The following KLHL1 variants were observed in gnomAD, a reference collection of about 807,000 sequenced individuals.
KLHL1 encodes the protein kelch-like protein 1.
In KLHL1, 47 loss-of-function variants were observed where a neutral mutation model predicts 77.7. The observed-to-expected ratio is 0.60, with a 90% CI of 0.48 to 0.77. The LOEUF (loss-of-function observed/expected upper bound fraction) is 0.77, where lower values mean the gene tolerates loss of function less well. KLHL1 is among the 30% of genes least tolerant of loss of function. The pLI is 0.00. For missense variants in KLHL1, 925 were observed against 910.8 expected (o/e 1.02, Z -0.20); for synonymous variants, 360 against 325.2 (o/e 1.11, Z -1.15).
At position 70,009,145 on chromosome 13, in the gene KLHL1, G is replaced by T. The variant is rs547532543; in HGVS notation, c.498-33343C>A. 6.0e-5 allele frequency among the ~76,000 whole-genome samples: 9 copies of T among 150,518 alleles called. No individual in the cohort carries two copies. In the East Asian group the frequency reaches 1.7e-3, roughly 29 times the overall value. On this transcript the variant is annotated intron_variant, in intron 1 of 10. Coordinates refer to ENST00000377844, the MANE Select transcript of KLHL1 (RefSeq NM_020866.3). ...AAAATAAAAATAGTAAAAAATTTGT[G>T]TAAGTCACGACTCCTTCTATTAATA... is the stretch of plus-strand genomic sequence containing the variant.
chr13:69,889,792 G>A (rs1881360351), intron 4 of KLHL1, among the ~76,000 whole-genome samples: 1 of 151,966 alleles, frequency 6.6e-6, no homozygotes, highest in Non-Finnish European at 1.5e-5. Context: ...ATTCTTATCA[G>A]AATTAGGTAT....
At chr13:70,027,871 A>T (rs965870021) in intron 1 of KLHL1, among the ~76,000 whole-genome samples, 1 of 152,064 alleles carries the variant, frequency 6.6e-6, no homozygotes, top group Non-Finnish European at 1.5e-5. Flanking sequence ...TGCACAGTTA[A>T]TTTTTAGAGG....
chr13:70,054,201 G>C (rs762918719), intron 1 of KLHL1, among the ~76,000 whole-genome samples: 1 of 152,126 alleles, frequency 6.6e-6, no homozygotes, highest in Non-Finnish European at 1.5e-5. Flanking sequence ...ATAATGCTAA[G>C]AGACAGTAAT....
chr13:70,042,218 A>G (rs2137380690), intron 1 of KLHL1, among the ~76,000 whole-genome samples: 1 of 152,186 alleles, frequency 6.6e-6, no homozygotes, highest in Admixed American at 6.5e-5. Flanking sequence ...TTGGAATTGC[A>G]ATCTGCCTTC....
chr13:69,875,162 G>C (rs547217035), intron 5 of KLHL1, among the ~76,000 whole-genome samples: 84 of 152,168 alleles, frequency 5.5e-4, no homozygotes, highest in African/African-American at 1.8e-3. Context: ...CCATAGAGGA[G>C]TTTGGTGATT....
intron 4 of KLHL1, among the ~76,000 whole-genome samples, chr13:69,921,101 T>C (rs953388017): frequency 2.3e-4 from 35 of 152,294 alleles, no homozygotes; most frequent in African/African-American, 7.7e-4. Flanking sequence ...CAGAATAAAA[T>C]TTGACCAGTA....
intron 1 of KLHL1, among the ~76,000 whole-genome samples, chr13:70,056,547 C>A (rs1389173039): frequency 6.6e-6 from 1 of 152,076 alleles, no homozygotes; most frequent in Non-Finnish European, 1.5e-5. Context: ...GCTCATAAAA[C>A]ATTATCAAAG....
Position 69,918,909 on chromosome 13 carries a change from T to C in KLHL1, c.1014+21131A>G, listed in dbSNP as rs543495289. ...TCAATTAGAGCTTCTTTACTCTTCATCACCTCCCAGTTTTCTAGATTTTTG... is the reference window on the plus strand; with the variant it reads ...TCAATTAGAGCTTCTTTACTCTTCACCACCTCCCAGTTTTCTAGATTTTTG... On this transcript the variant is annotated intron_variant, in intron 4 of 10. Transcript: ENST00000377844. 9.9e-5 allele frequency among the ~76,000 whole-genome samples: 15 copies of C among 152,282 alleles called. No homozygotes were observed. The South Asian group carries it at 2.9e-3, about 30-fold the overall frequency.
chr13:69,981,382 A>G (rs1419722077), intron 1 of KLHL1, among the ~76,000 whole-genome samples: 1 of 152,114 alleles, frequency 6.6e-6, no homozygotes, highest in Admixed American at 6.6e-5. Context: ...TAAATTTGAA[A>G]GCAGTTTTTT....
intron 6 of KLHL1, among the ~76,000 whole-genome samples, chr13:69,831,290 A>G (rs1381642611): frequency 6.7e-6 from 1 of 150,100 alleles, no homozygotes; most frequent in Non-Finnish European, 1.5e-5. Context: ...ACAGAAATAG[A>G]AAAGATCAGA....
In KLHL1 at chr13:70,070,983, CA is replaced by C. The variant is rs537370530; in HGVS notation, c.497+36219del. ...TATCAGTTAAAATAAAGGGAAGGCA[CA>C]AAAAATCGGAAGACAAAAAAGTAAC... On this transcript the variant is annotated intron_variant, in intron 1 of 10. Coordinates refer to ENST00000377844, the MANE Select transcript of KLHL1 (RefSeq NM_020866.3). Among the ~76,000 whole-genome samples, 485 of 151,246 alleles carry C rather than the reference CA, an allele frequency of 3.2e-3. 3 individuals are homozygous for C. Among genetic ancestry groups the C allele is most frequent in the African/African-American group, 0.011 (437 of 41,188 alleles).
At chr13:69,863,337 T>C (rs746107999) in intron 5 of KLHL1, among the ~76,000 whole-genome samples, 12 of 99,552 alleles carry the variant, frequency 1.2e-4, no homozygotes, top group Non-Finnish European at 1.9e-4. Flanking sequence ...AGGAAGCAAA[T>C]AGAATAGAAA....
At chr13:69,820,224 G>T (rs1326396096) in intron 6 of KLHL1, among the ~76,000 whole-genome samples, 7 of 152,124 alleles carry the variant, frequency 4.6e-5, no homozygotes, top group African/African-American at 1.7e-4. Context: ...TGATATACGT[G>T]AATTTCAGTC....
intron 6 of KLHL1, among the ~76,000 whole-genome samples, chr13:69,821,741 G>T (rs1878345233): frequency 6.6e-6 from 1 of 152,058 alleles, no homozygotes; most frequent in Non-Finnish European, 1.5e-5. Flanking sequence ...TATCAACACT[G>T]TCCCCTCATT....
chr13:69,719,905 G>A (rs1376553992), intron 8 of KLHL1, among the ~76,000 whole-genome samples: 1 of 151,748 alleles, frequency 6.6e-6, no homozygotes, highest in Non-Finnish European at 1.5e-5. Context: ...ATTAAGAAAT[G>A]GCTATTAAAA....
intron 6 of KLHL1, among the ~76,000 whole-genome samples, chr13:69,819,747 C>G (rs546137663): frequency 7.2e-5 from 11 of 152,108 alleles, no homozygotes; most frequent in Admixed American, 1.3e-4. Context: ...CTTAGGATTT[C>G]CTTACCTAGG....
intron 1 of KLHL1, among the ~76,000 whole-genome samples, chr13:70,008,555 G>C (rs965260730): frequency 6.6e-6 from 1 of 152,066 alleles, no homozygotes; most frequent in Non-Finnish European, 1.5e-5. Context: ...TATTAGGACA[G>C]TAATATTGGT....
rs1273177885 is a variant in KLHL1, at chr13:69,812,475, G to T, written c.1415-15513C>A. On this transcript the variant is annotated intron_variant, in intron 6 of 10. Transcript: ENST00000377844. ...CAACAAAAGCCAAAATTGACAAATG[G>T]GATCTAATTAAACTAAAGAGCTTCT... Among the ~76,000 whole-genome samples the T allele has an allele frequency of 2.0e-5, 3 of 152,124 alleles. No individual in the cohort carries two copies. The East Asian group carries it at 5.8e-4, about 30-fold the overall frequency.
chr13:69,919,283 T>C (rs1255468883), intron 4 of KLHL1, among the ~76,000 whole-genome samples: 1 of 152,190 alleles, frequency 6.6e-6, no homozygotes, highest in South Asian at 2.1e-4. Context: ...TAGAAATCTG[T>C]GCTTGTTATT....
Sources: allele counts gnomAD v4.1 joint callset (sites outside exome capture counted in the v4.1 genomes callset), GRCh38; gene constraint gnomAD v4.1.1; transcripts MANE v1.5; gene names NCBI Gene and HGNC (gene_info 2026-07-23, HGNC 2026-07-21).